Variants in SEMA6D observed in about 807,000 individuals in gnomAD.
The protein encoded by SEMA6D is semaphorin-6D.
Under a neutral mutation model 106.6 loss-of-function variants are expected in SEMA6D, and 35 were observed. The observed-to-expected ratio is 0.33, with a 90% CI of 0.25 to 0.44. The LOEUF (loss-of-function observed/expected upper bound fraction) is 0.44, where lower values mean the gene tolerates loss of function less well. Among genes scored for constraint, SEMA6D ranks in the 20% least tolerant of loss-of-function variants. The pLI, the probability that SEMA6D is intolerant of heterozygous loss-of-function variation, is 1.00. For synonymous variants in SEMA6D, 499 were observed against 487.7 expected, an observed-to-expected ratio of 1.02 and a Z score of -0.31; for missense variants, 1,185 against 1,345.9, an observed-to-expected ratio of 0.88 and a Z score of 1.87.
chr15:47,606,125 C>A (rs1417552675), intron 4 of SEMA6D: 2 of 152,046 alleles, frequency 1.3e-5, no homozygotes, highest in African/African-American at 4.8e-5. Context: ...TATATAGAGA[C>A]AGAGGGGTGG....
At chr15:47,461,496 G>A (rs988015961) in intron 2 of SEMA6D, among the ~76,000 whole-genome samples, 1 of 152,098 alleles carries the variant, frequency 6.6e-6, no homozygotes, top group Non-Finnish European at 1.5e-5. Flanking sequence ...AGTAGACCAA[G>A]AATCTGAGGT....
intron 1 of SEMA6D, among the ~76,000 whole-genome samples, chr15:47,723,789 G>A (rs971825374): frequency 6.6e-6 from 1 of 152,056 alleles, no homozygotes; most frequent in African/African-American, 2.4e-5. Context: ...TGAAATGTAA[G>A]GTTCTCAACA....
At position 47,393,318 on chromosome 15, in the gene SEMA6D, T is replaced by C. The variant is rs938414874; in HGVS notation, c.-238-19075T>C. The C allele has an allele frequency of 3.9e-5, 6 of 152,338 alleles. 1 individual carries two copies. Among genetic ancestry groups the C allele is most frequent in the Admixed American group, 3.9e-4 (6 of 15,298 alleles). 9.4% of individuals were successfully genotyped at this position (152,338 alleles called of 1,614,324 possible). On this transcript the variant is annotated intron_variant, in intron 1 of 19. Transcript: ENST00000558014. The stretch of plus-strand genomic sequence containing the variant: ...CCCTAGGAGATACTTGACATCATAC[T>C]TACTTAAGGACCTTGATGGGAAACC...
At chr15:47,531,282 A>G (rs1321839204) in intron 3 of SEMA6D, among the ~76,000 whole-genome samples, 1 of 152,246 alleles carries the variant, frequency 6.6e-6, no homozygotes, top group Non-Finnish European at 1.5e-5. Flanking sequence ...TCAGCTTGGC[A>G]TTAAGATTGT....
chr15:47,662,857 GCACACACA>G (rs140613951), intron 4 of SEMA6D, among the ~76,000 whole-genome samples: 60 of 134,160 alleles, frequency 4.5e-4, no homozygotes, highest in South Asian at 1.7e-3. Flanking sequence ...GTGTATGAGC[GCACACACA>G]CACACACACA....
At chr15:47,396,334 TAGG>T (rs1249353412) in intron 1 of SEMA6D, 1 of 151,968 alleles carries the variant, frequency 6.6e-6, no homozygotes, top group Admixed American at 6.6e-5. Context: ...GGGAGTTTAT[TAGG>T]AGAATTGACT....
chr15:47,681,035 A>G (rs566288539), intron 4 of SEMA6D, among the ~76,000 whole-genome samples: 1 of 152,358 alleles, frequency 6.6e-6, no homozygotes, highest in African/African-American at 2.4e-5. Flanking sequence ...AGATTCCTCA[A>G]CAAACTAAAA....
intron 1 of SEMA6D, among the ~76,000 whole-genome samples, chr15:47,721,372 T>A (rs1047918232): frequency 1.3e-5 from 2 of 152,208 alleles, no homozygotes; most frequent in African/African-American, 2.4e-5. Context: ...GAGTGAGAGA[T>A]CTCACTTTCT....
intron 4 of SEMA6D, among the ~76,000 whole-genome samples, chr15:47,694,306 C>CCA (rs1374162579): frequency 6.6e-6 from 1 of 151,924 alleles, no homozygotes; most frequent in Non-Finnish European, 1.5e-5. Flanking sequence ...TGGGACCTTC[C>CCA]CACACACATA....
intron 1 of SEMA6D, among the ~76,000 whole-genome samples, chr15:47,315,460 GT>G (rs2036628996): frequency 6.6e-6 from 1 of 152,082 alleles, no homozygotes; most frequent in Admixed American, 6.6e-5. Context: ...CTATTTGTCT[GT>G]TCTTTCACCA....
intron 1 of SEMA6D, among the ~76,000 whole-genome samples, chr15:47,193,691 G>A (rs1190216341): frequency 2.6e-5 from 4 of 152,032 alleles, no homozygotes; most frequent in African/African-American, 9.7e-5. Flanking sequence ...CTCTTGTTCT[G>A]TCACAGGGCC....
intron 1 of SEMA6D, among the ~76,000 whole-genome samples, chr15:47,246,004 C>A (rs773826984): frequency 5.9e-5 from 9 of 152,214 alleles, no homozygotes; most frequent in Non-Finnish European, 1.3e-4. Flanking sequence ...CAGATGGTTT[C>A]TCACGACCTT....
intron 3 of SEMA6D, among the ~76,000 whole-genome samples, chr15:47,592,241 T>C (rs751181104): frequency 3.1e-4 from 47 of 152,034 alleles, no homozygotes; most frequent in Non-Finnish European, 6.5e-4. Context: ...GGAAGAAAAA[T>C]GTGAAAAATA....
At chr15:47,551,680 T>TGTGTGTGTGTGTGTGTGTGTGTGG (rs2045696664) in intron 3 of SEMA6D, among the ~76,000 whole-genome samples, 1 of 151,354 alleles carries the variant, frequency 6.6e-6, no homozygotes, top group Non-Finnish European at 1.5e-5. Flanking sequence ...ACTCTGTGTG[T>TGTGTGTGTGTGTGTGTGTGTGTGG]GTGTGTGTGT....
intron 4 of SEMA6D, among the ~76,000 whole-genome samples, chr15:47,704,418 A>G (rs961699038): frequency 6.6e-6 from 1 of 152,226 alleles, no homozygotes; most frequent in Non-Finnish European, 1.5e-5. Flanking sequence ...CAGAATATAC[A>G]TGATAATTCA....
intron 4 of SEMA6D, among the ~76,000 whole-genome samples, chr15:47,690,807 T>G (rs929980216): frequency 3.3e-5 from 5 of 152,206 alleles, no homozygotes; most frequent in Non-Finnish European, 7.3e-5. Flanking sequence ...ACACTTCATT[T>G]TGTAGCAATT....
At chr15:47,436,636 G>A (rs999572928) in intron 2 of SEMA6D, among the ~76,000 whole-genome samples, 15 of 150,648 alleles carry the variant, frequency 1.0e-4, no homozygotes, top group African/African-American at 3.6e-4. Flanking sequence ...CAACATTAAA[G>A]ATGGATATTT....
intron 1 of SEMA6D, among the ~76,000 whole-genome samples, chr15:47,254,318 T>G (rs1392018252): frequency 1.4e-5 from 1 of 71,932 alleles, no homozygotes; most frequent in Non-Finnish European, 3.5e-5. Flanking sequence ...TATGTATATA[T>G]ATGTGTGTGT....
intron 4 of SEMA6D, among the ~76,000 whole-genome samples, chr15:47,662,156 T>C (rs1338737895): frequency 6.6e-6 from 1 of 152,092 alleles, no homozygotes; most frequent in East Asian, 1.9e-4. Context: ...GTAGTTCCAA[T>C]AGGCTCTGCA....
Sources: gnomAD v4.1 joint callset for allele counts (sites outside exome capture counted in the v4.1 genomes callset) on GRCh38, gnomAD v4.1.1 for gene constraint, MANE v1.5 for transcripts, NCBI Gene and HGNC (gene_info 2026-07-23, HGNC 2026-07-21) for gene names.